CNTN1: variants seen among roughly 807,000 people sequenced by gnomAD.
CNTN1 encodes the protein contactin 1.
Under a neutral mutation model 126.4 loss-of-function variants are expected in CNTN1, and 38 were observed. That is an observed-to-expected ratio of 0.30 (90% CI 0.23 to 0.39). CNTN1 has a LOEUF of 0.39. Ranked by LOEUF, CNTN1 falls within the 10% of genes least tolerant of loss-of-function variation. CNTN1 has a pLI of 1.00. For missense variants in CNTN1, 1,009 were observed against 1,248.4 expected, an observed-to-expected ratio of 0.81 and a Z score of 2.89; for synonymous variants, 413 against 422.6, an observed-to-expected ratio of 0.98 and a Z score of 0.28.
chr12:40,710,135 T>C lies in CNTN1; in HGVS notation c.-77+17543T>C, dbSNP rs560831249. Among the ~76,000 whole-genome samples the C allele has an allele frequency of 3.9e-5, 6 of 152,238 alleles. No individual in the cohort carries two copies. The East Asian group carries it at 1.2e-3, about 29-fold the overall frequency. On this transcript the variant is annotated intron_variant, in intron 1 of 23. Transcript: ENST00000551295. ...TGGAGGCCATTTTATTTGACTTTTT[T>C]CCCAGAACCATCAGAGGAATCACTA...
At position 41,029,191 on chromosome 12, in the gene CNTN1, T is replaced by C; in HGVS notation, c.2952T>C (p.Asp984=). The part of the protein sequence containing the change: ...VEVRAHSDGG[D]GVVSQVKISG... ...TTCGCGCGCACAGTGATGGAGGAGA[T>C]GGAGTGGTGTCTCAAGTCAAAATTT... The change falls in exon 23 of 24, where the codon GAT becomes GAC. Residue 984 remains aspartate (D), a synonymous_variant. Transcript: ENST00000551295. 2 of 1,614,046 alleles carry C rather than the reference T, an allele frequency of 1.2e-6. No homozygotes were observed. Among genetic ancestry groups the C allele is most frequent in the Non-Finnish European group, 1.7e-6 (2 of 1,179,982 alleles).
intron 1 of CNTN1, among the ~76,000 whole-genome samples, chr12:40,705,916 G>A (rs1234864200): frequency 6.6e-6 from 1 of 151,578 alleles, no homozygotes; most frequent in Non-Finnish European, 1.5e-5. Flanking sequence ...CAACCAGATC[G>A]GTCAAAAGAA....
At chr12:40,704,155 G>T (rs894982172) in intron 1 of CNTN1, among the ~76,000 whole-genome samples, 1 of 152,008 alleles carries the variant, frequency 6.6e-6, no homozygotes, top group East Asian at 1.9e-4. Context: ...TCTTATTCTC[G>T]GAGCAATGGT....
At chr12:40,944,462 A>G (rs1379207814) in intron 14 of CNTN1, among the ~76,000 whole-genome samples, 1 of 152,054 alleles carries the variant, frequency 6.6e-6, no homozygotes, top group Non-Finnish European at 1.5e-5. Flanking sequence ...ACATCAGTAT[A>G]TATGTGCCCT....
chr12:40,928,306 A>G (rs1945763893), intron 6 of CNTN1, among the ~76,000 whole-genome samples: 2 of 152,080 alleles, frequency 1.3e-5, no homozygotes, highest in Admixed American at 1.3e-4. Flanking sequence ...ATCAGCTTGG[A>G]TGAAAGACTA....
At chr12:40,804,012 G>A (rs926134570) in intron 1 of CNTN1, among the ~76,000 whole-genome samples, 1 of 151,990 alleles carries the variant, frequency 6.6e-6, no homozygotes, top group African/African-American at 2.4e-5. Context: ...GTGGTTGAGT[G>A]TGCTCACTAG....
Position 41,070,363 on chromosome 12 carries a change from A to G in CNTN1, c.*328A>G, listed in dbSNP as rs1950136211. On this transcript the variant is annotated 3_prime_UTR_variant, in exon 24 of 24. Coordinates refer to ENST00000551295, the MANE Select transcript of CNTN1 (RefSeq NM_001843.4). Reference sequence around the variant, plus strand: ...TTCAATTCAATACTATAGGCTGTAGAGTGAAAGTCAAATCACCATATACAG... The same window carrying G: ...TTCAATTCAATACTATAGGCTGTAGGGTGAAAGTCAAATCACCATATACAG... The G allele has an allele frequency of 5.3e-6, 2 of 380,338 alleles. No homozygotes were observed. The highest frequency in any genetic ancestry group is 1.0e-5 in the Non-Finnish European group (2 of 200,946). The allele number at this position is 380,338 out of a possible 1,614,324, so 23.6% of individuals were successfully genotyped here.
At chr12:40,925,579 GTATATATACA>G (rs1945626779) in intron 6 of CNTN1, among the ~76,000 whole-genome samples, 1 of 106,230 alleles carries the variant, frequency 9.4e-6, no homozygotes, top group African/African-American at 3.7e-5. Flanking sequence ...ACGTATATAC[GTATATATACA>G]TGTATATATA....
At chr12:40,770,115 T>C (rs1369540145) in intron 1 of CNTN1, among the ~76,000 whole-genome samples, 1 of 152,182 alleles carries the variant, frequency 6.6e-6, no homozygotes, top group Admixed American at 6.5e-5. Flanking sequence ...CCAAGCTTTG[T>C]ATTTTGTTAA....
At chr12:40,926,909 C>T (rs1780245362) in intron 6 of CNTN1, among the ~76,000 whole-genome samples, 1 of 151,946 alleles carries the variant, frequency 6.6e-6, no homozygotes, top group South Asian at 2.1e-4. Flanking sequence ...GCTGTGAGAT[C>T]CTAAAAGAAT....
At chr12:40,802,266 G>A (rs934568069) in intron 1 of CNTN1, among the ~76,000 whole-genome samples, 6 of 152,054 alleles carry the variant, frequency 3.9e-5, no homozygotes, top group Admixed American at 3.3e-4. Flanking sequence ...CAGGAAGACA[G>A]AAGGAAATCC....
At chr12:41,057,178 TA>T (rs1448102277) in intron 23 of CNTN1, among the ~76,000 whole-genome samples, 13 of 130,438 alleles carry the variant, frequency 1.0e-4, no homozygotes, top group African/African-American at 2.5e-4. Context: ...ATTTATATTA[TA>T]AATATTTAGA....
intron 4 of CNTN1, among the ~76,000 whole-genome samples, chr12:40,919,911 C>T (rs1178680999): frequency 2.0e-5 from 3 of 152,006 alleles, no homozygotes; most frequent in Admixed American, 6.6e-5. Flanking sequence ...ATAATGAGAG[C>T]CTATTTGTCA....
At chr12:40,813,043 CTTT>C (rs1465965403) in intron 1 of CNTN1, among the ~76,000 whole-genome samples, 966 of 61,412 alleles carry the variant, frequency 0.016, 26 homozygotes, top group African/African-American at 0.037. Flanking sequence ...TCTTTCCTTT[CTTT>C]CTTTCTTTCT....
In CNTN1 at chr12:40,778,805, A is replaced by G. The variant is rs187254454; in HGVS notation, c.-77+86213A>G. The stretch of plus-strand genomic sequence containing the variant: ...CTCAACGACTGATTGTTTTGTCATT[A>G]AAATATAATAGTGGGGAAAAGTCCA... On this transcript the variant is annotated intron_variant, in intron 1 of 23. Coordinates refer to ENST00000551295, the MANE Select transcript of CNTN1 (RefSeq NM_001843.4). Among the ~76,000 whole-genome samples, 32 of 151,938 alleles carry G rather than the reference A, an allele frequency of 2.1e-4. 2 individuals are homozygous for G. The highest frequency in any genetic ancestry group is 8.8e-5 in the Non-Finnish European group (6 of 67,804).
At chr12:40,871,872 G>GA (rs1943511478) in intron 1 of CNTN1, among the ~76,000 whole-genome samples, 1 of 151,980 alleles carries the variant, frequency 6.6e-6, no homozygotes, top group African/African-American at 2.4e-5. Flanking sequence ...CTATGAGAAG[G>GA]AAAAACTTGA....
chr12:40,963,145 G>GGT, intron 15 of CNTN1, among the ~76,000 whole-genome samples: 1 of 152,156 alleles, frequency 6.6e-6, no homozygotes. Flanking sequence ...TTGATGGCCA[G>GGT]GTGTGGTGGC....
intron 16 of CNTN1, 120 bp downstream of exon 16, chr12:40,981,187 A>T: frequency 2.2e-6 from 2 of 908,148 alleles, no homozygotes; most frequent in Non-Finnish European, 3.4e-6. Context: ...TCTTTCTTAA[A>T]TTTTTTAAAA....
intron 3 of CNTN1, among the ~76,000 whole-genome samples, chr12:40,910,946 A>G (rs1333388410): frequency 1.3e-5 from 2 of 152,230 alleles, no homozygotes; most frequent in Admixed American, 6.5e-5. Flanking sequence ...TACCCATTGT[A>G]TTAGTCTGTT....
Sources: allele counts gnomAD v4.1 joint callset (sites outside exome capture counted in the v4.1 genomes callset), GRCh38; gene constraint gnomAD v4.1.1; transcripts MANE v1.5; gene names NCBI Gene and HGNC (gene_info 2026-07-23, HGNC 2026-07-21).